TNFRSF13B: variants seen among roughly 807,000 people sequenced by gnomAD.
The protein encoded by TNFRSF13B is TNF receptor superfamily member 13B.
Under a neutral mutation model 24.0 loss-of-function variants are expected in TNFRSF13B, and 34 were observed. That is an observed-to-expected ratio of 1.41 (90% CI 1.08 to 1.88). The LOEUF (loss-of-function observed/expected upper bound fraction) is 1.88, where lower values mean the gene tolerates loss of function less well. Among genes scored for constraint, TNFRSF13B ranks in the 40% most tolerant of loss-of-function variants. TNFRSF13B has a pLI of 0.00. For synonymous variants in TNFRSF13B, 173 were observed against 150.3 expected (o/e 1.15, Z -1.10); for missense variants, 415 against 380.8 (o/e 1.09, Z -0.75).
intron 3 of TNFRSF13B, among the ~76,000 whole-genome samples, chr17:16,946,310 C>G (rs1161189658): frequency 2.0e-5 from 3 of 152,200 alleles, no homozygotes; most frequent in Non-Finnish European, 2.9e-5. Context: ...CCAAGAAGAG[C>G]AGGACAGGCC....
chr17:16,963,284 T>G (rs1057221091), intron 1 of TNFRSF13B, among the ~76,000 whole-genome samples: 14 of 152,336 alleles, frequency 9.2e-5, no homozygotes, highest in African/African-American at 3.1e-4. Flanking sequence ...AGTGCTGTGC[T>G]GGACAAGGCC....
chr17:16,947,732 G>A (rs1045140155), intron 3 of TNFRSF13B, among the ~76,000 whole-genome samples: 1 of 152,188 alleles, frequency 6.6e-6, no homozygotes, highest in African/African-American at 2.4e-5. Flanking sequence ...AAAAGGGAAC[G>A]CTTATACGCT....
intron 1 of TNFRSF13B, among the ~76,000 whole-genome samples, chr17:16,957,374 G>A (rs2087632225): frequency 6.6e-6 from 1 of 152,016 alleles, no homozygotes; most frequent in Non-Finnish European, 1.5e-5. Context: ...AGAGCCAAAT[G>A]TACTAATGTA....
chr17:16,956,086 C>T (rs969530827), intron 1 of TNFRSF13B, among the ~76,000 whole-genome samples: 6 of 152,190 alleles, frequency 3.9e-5, no homozygotes, highest in African/African-American at 1.4e-4. Context: ...GGGAGCCAAG[C>T]ACTTAAGGAA....
Position 16,939,456 on chromosome 17 carries a change from TC to T in TNFRSF13B, c.*90del. The stretch of plus-strand genomic sequence containing the variant: ...CCTCTCTGCCTCCTCTGTCTCTCTC[TC>T]CTCATATCTCTCTCCCCTCTCCCCA... On this transcript the variant is annotated 3_prime_UTR_variant, in exon 5 of 5. Coordinates refer to ENST00000261652, the MANE Select transcript of TNFRSF13B (RefSeq NM_012452.3). The T allele has an allele frequency of 7.1e-7, 1 of 1,412,334 alleles. No individual in the cohort carries two copies. The highest frequency in any genetic ancestry group is 2.6e-5 in the East Asian group (1 of 38,982). 87.5% of individuals were successfully genotyped at this position (1,412,334 alleles called of 1,614,324 possible). A position where few individuals can be genotyped will look rare whatever the true frequency, so the allele number is the denominator to read the frequency against.
Position 16,939,636 on chromosome 17 carries a change from T to C in TNFRSF13B, c.793A>G (p.Thr265Ala). 2.5e-6 allele frequency: 4 copies of C among 1,612,960 alleles called. No individual in the cohort carries two copies. The highest frequency in any genetic ancestry group is 3.4e-6 in the Non-Finnish European group (4 of 1,179,212). The change falls in exon 5 of 5, where the codon ACC (threonine) becomes GCC (alanine). Residue 265 changes from threonine (T) to alanine (A), a missense_variant. Thr to Ala is a moderately conservative substitution (Grantham distance 58, BLOSUM62 0). Transcript: ENST00000261652. ...CAGRWGCHTR[T>A]TVLQPCPHIP... ...TGTGGGCAAGGCTGCAGGACTGTGGTCCTGGTGTGGCACCCCCACCTTCCA... is the reference window on the plus strand; with the variant it reads ...TGTGGGCAAGGCTGCAGGACTGTGGCCCTGGTGTGGCACCCCCACCTTCCA...
intron 1 of TNFRSF13B, among the ~76,000 whole-genome samples, chr17:16,954,446 G>T (rs1438160490): frequency 2.0e-5 from 3 of 152,178 alleles, no homozygotes; most frequent in Non-Finnish European, 4.4e-5. Flanking sequence ...AAACACAGGG[G>T]TTTATCTTCC....
At chr17:16,958,043 A>C (rs1479730162) in intron 1 of TNFRSF13B, among the ~76,000 whole-genome samples, 2 of 152,144 alleles carry the variant, frequency 1.3e-5, no homozygotes, top group African/African-American at 4.8e-5. Flanking sequence ...AGTGATTGCA[A>C]ACCTATGTTA....
intron 3 of TNFRSF13B, among the ~76,000 whole-genome samples, chr17:16,943,760 A>C (rs553420051): frequency 2.0e-5 from 3 of 151,978 alleles, no homozygotes; most frequent in Admixed American, 6.5e-5. Flanking sequence ...TGCAACCCCC[A>C]TGTTGGGGGA....
At chr17:16,955,763 C>T (rs1025491586) in intron 1 of TNFRSF13B, among the ~76,000 whole-genome samples, 3 of 152,052 alleles carry the variant, frequency 2.0e-5, no homozygotes, top group Non-Finnish European at 2.9e-5. Context: ...TAAATGACTA[C>T]GGAGCTGCCA....
intron 3 of TNFRSF13B, among the ~76,000 whole-genome samples, chr17:16,945,867 C>T (rs1044365558): frequency 2.0e-5 from 3 of 152,174 alleles, no homozygotes; most frequent in Non-Finnish European, 4.4e-5. Flanking sequence ...AATCCGCTGG[C>T]ACTGTGAATG....
chr17:16,954,719 G>A (rs1567653946), intron 1 of TNFRSF13B, among the ~76,000 whole-genome samples: 1 of 152,238 alleles, frequency 6.6e-6, no homozygotes, highest in Non-Finnish European at 1.5e-5. Flanking sequence ...CAGAAGGGGT[G>A]AAGCTCTGTA....
intron 3 of TNFRSF13B, among the ~76,000 whole-genome samples, chr17:16,943,066 T>C (rs1201759049): frequency 1.3e-5 from 2 of 152,160 alleles, no homozygotes; most frequent in Non-Finnish European, 2.9e-5. Flanking sequence ...AAGGCCTGAA[T>C]ATCCCAGCAT....
At chr17:16,971,339 A>C (rs189365264) in intron 1 of TNFRSF13B, among the ~76,000 whole-genome samples, 1 of 146,042 alleles carries the variant, frequency 6.8e-6, no homozygotes, top group East Asian at 2.0e-4. Flanking sequence ...ACAGAGCAAG[A>C]CTCTGTCTCA....
intron 1 of TNFRSF13B, among the ~76,000 whole-genome samples, chr17:16,958,191 G>A (rs1259945287): frequency 1.3e-5 from 2 of 151,770 alleles, no homozygotes; most frequent in African/African-American, 4.8e-5. Flanking sequence ...ATAAGTTTAA[G>A]ATATTAATTG....
At chr17:16,956,043 G>A (rs1038063593) in intron 1 of TNFRSF13B, among the ~76,000 whole-genome samples, 3 of 152,000 alleles carry the variant, frequency 2.0e-5, no homozygotes, top group South Asian at 4.1e-4. Context: ...TGGCTTCCAC[G>A]GGATTTAAAG....
intron 3 of TNFRSF13B, among the ~76,000 whole-genome samples, chr17:16,943,905 G>A (rs1006839995): frequency 3.3e-5 from 5 of 152,010 alleles, no homozygotes; most frequent in South Asian, 2.1e-4. Context: ...CCCGGAGCCC[G>A]GGCAGGAAGC....
rs376187630 is a variant in TNFRSF13B at position 16,963,619 on chromosome 17, G to A, written c.61+8396C>T. Reference sequence around the variant, plus strand: ...GGCTGGAGTGCAGTGGCACCATCTCGGCTCACTGCAAGCTCCACCTCCTGG... The same window carrying A: ...GGCTGGAGTGCAGTGGCACCATCTCAGCTCACTGCAAGCTCCACCTCCTGG... On this transcript the variant is annotated intron_variant, in intron 1 of 4. Transcript: ENST00000261652. Among the ~76,000 whole-genome samples, 168 of 152,188 alleles carry A rather than the reference G, an allele frequency of 1.1e-3. 1 individual carries two copies. In the South Asian group the frequency reaches 0.016, roughly 15 times the overall value.
chr17:16,940,496 T>C lies in TNFRSF13B; in HGVS notation c.461A>G (p.Lys154Arg), dbSNP rs780302506. ...SEASPALPGL[K>R]LSADQVALVY... ...CAGGGCCACCTGATCTGCACTCAGC[T>C]TCAGCCCCGGGAGAGCTGCAAGACA... Residue 154 changes from lysine to arginine, a missense_variant, in exon 4 of 5, where the codon AAG (lysine) becomes AGG (arginine). By Grantham distance (26) the Lys-to-Arg change is conservative (BLOSUM62 2). Transcript: ENST00000261652. 6.2e-7 allele frequency: 1 copy of C among 1,613,672 alleles called. No individual in the cohort carries two copies. Among genetic ancestry groups the C allele is most frequent in the South Asian group, 1.1e-5 (1 of 91,072 alleles).
Sources: allele counts gnomAD v4.1 joint callset (sites outside exome capture counted in the v4.1 genomes callset), GRCh38; gene constraint gnomAD v4.1.1; transcripts MANE v1.5; gene names NCBI Gene and HGNC (gene_info 2026-07-23, HGNC 2026-07-21).